PPP2R3C: variants seen among roughly 807,000 people sequenced by gnomAD.
PPP2R3C encodes protein phosphatase 2 regulatory subunit B''gamma, also known as serine/threonine-protein phosphatase 2A regulatory subunit B'' subunit gamma.
In PPP2R3C, 47 loss-of-function variants were observed where a neutral mutation model predicts 63.7. That is an observed-to-expected ratio of 0.74 (90% CI 0.58 to 0.94). The LOEUF is 0.94. Among genes scored for constraint, PPP2R3C ranks in the 40% least tolerant of loss-of-function variants. PPP2R3C has a pLI of 0.00. For synonymous variants in PPP2R3C, 180 were observed against 177.4 expected, an observed-to-expected ratio of 1.01 and a Z score of -0.12; for missense variants, 421 against 518.4, an observed-to-expected ratio of 0.81 and a Z score of 1.82.
At chr14:35,095,000 T>C (rs769383431) in intron 10 of PPP2R3C, 48 bp downstream of exon 10, 3 of 1,546,254 alleles carry the variant, frequency 1.9e-6, no homozygotes, top group Non-Finnish European at 1.8e-6. Flanking sequence ...TTGTGGAAAC[T>C]CTGGGAGCCT....
intron 1 of PPP2R3C, among the ~76,000 whole-genome samples, chr14:35,117,866 G>A (rs544459718): frequency 1.3e-5 from 2 of 152,016 alleles, no homozygotes; most frequent in East Asian, 1.9e-4. Context: ...GGCTAATTTT[G>A]TATTTTTAGT....
Position 35,091,079 on chromosome 14 carries a change from ATAAT to A in PPP2R3C, c.1100_1103del (p.Asn367IlefsTer9). On this transcript the variant is annotated frameshift_variant, in exon 11 of 13. Transcript: ENST00000261475. LOFTEE classifies it high-confidence loss of function. ...TGCAAATGAGACTTACCCTAAAGAA[ATAAT>A]TAAGTGAAAAGACATTCAGGTATCC... The A allele has an allele frequency of 6.2e-7, 1 of 1,602,562 alleles. No homozygotes were observed. Among genetic ancestry groups the A allele is most frequent in the Non-Finnish European group, 8.5e-7 (1 of 1,172,746 alleles).
chr14:35,087,390 C>T (rs1566681728), intron 12 of PPP2R3C: 1 of 155,668 alleles, frequency 6.4e-6, no homozygotes, highest in Non-Finnish European at 1.4e-5. Flanking sequence ...ACTGTACTGA[C>T]TGTCTTAATT....
chr14:35,107,183 C>A, intron 6 of PPP2R3C, 121 bp downstream of exon 6: 3 of 678,764 alleles, frequency 4.4e-6, no homozygotes, highest in Non-Finnish European at 7.3e-6. Flanking sequence ...CAAACACACA[C>A]AGACAGAAAT....
intron 6 of PPP2R3C, chr14:35,100,212 T>C (rs2046141414): frequency 6.6e-6 from 1 of 152,220 alleles, no homozygotes; most frequent in South Asian, 2.1e-4. Context: ...TAGGCCTCTC[T>C]ATTGGGACAT....
At chr14:35,109,465 T>C (rs1331605280) in intron 4 of PPP2R3C, among the ~76,000 whole-genome samples, 1 of 152,144 alleles carries the variant, frequency 6.6e-6, no homozygotes, top group Non-Finnish European at 1.5e-5. Flanking sequence ...ATTTACTTCA[T>C]TTAATATTTG....
chr14:35,112,477 C>A (rs1421278506), intron 2 of PPP2R3C, among the ~76,000 whole-genome samples: 1 of 152,162 alleles, frequency 6.6e-6, no homozygotes, highest in Non-Finnish European at 1.5e-5. Flanking sequence ...GTAAACCTTA[C>A]GTCAAAACTT....
At chr14:35,095,572 G>T (rs2045964484) in intron 9 of PPP2R3C, among the ~76,000 whole-genome samples, 1 of 151,984 alleles carries the variant, frequency 6.6e-6, no homozygotes, top group Non-Finnish European at 1.5e-5. Context: ...GGGCGTGGTG[G>T]CTCACGCCGG....
chr14:35,110,097 A>G (rs1200185017), intron 3 of PPP2R3C, 166 bp from the exon 4 acceptor site: 3 of 555,718 alleles, frequency 5.4e-6, no homozygotes, highest in Non-Finnish European at 9.4e-6. Flanking sequence ...TAAAAATAAC[A>G]TTTATTGAGT....
chr14:35,119,849 C>CT (rs71121267), intron 1 of PPP2R3C, among the ~76,000 whole-genome samples: 61,655 of 116,574 alleles, frequency 0.53, 18,261 homozygotes, highest in Non-Finnish European at 0.63. Context: ...GACAGTTCAT[C>CT]TTTTTTTTTT....
intron 3 of PPP2R3C, chr14:35,110,313 G>T: frequency 2.0e-6 from 1 of 496,100 alleles, no homozygotes; most frequent in Non-Finnish European, 3.6e-6. Flanking sequence ...AATCACCTAG[G>T]GCCTTAAACA....
chr14:35,107,696 A>G (rs923036850), intron 5 of PPP2R3C: 2 of 367,384 alleles, frequency 5.4e-6, no homozygotes, highest in East Asian at 9.2e-5. Flanking sequence ...ACAGCAACCA[A>G]TTATTAAAGA....
chr14:35,095,104 T>A lies in PPP2R3C; in HGVS notation c.919A>T (p.Thr307Ser), dbSNP rs748813964. ...ELSRYGTATM[T>S]NVFLDRVFQE... is the part of the protein sequence containing the mutation. ...AAAACACGGTCTAAGAAGACATTGGTCATGGTAGCTGTTCCATAGCGTGAG... is the reference window on the plus strand; with the variant it reads ...AAAACACGGTCTAAGAAGACATTGGACATGGTAGCTGTTCCATAGCGTGAG... The change falls in exon 10 of 13, where the codon ACC (threonine) becomes TCC (serine). Residue 307 changes from threonine (T) to serine (S), a missense_variant. Around this residue, in one of 3 missense-constraint regions of PPP2R3C, gnomAD observed 231 missense variants for 264.8 expected, o/e 0.87. Coordinates refer to ENST00000261475, the MANE Select transcript of PPP2R3C (RefSeq NM_017917.4). 6.2e-7 allele frequency: 1 copy of A among 1,609,110 alleles called. No individual in the cohort carries two copies. Among genetic ancestry groups the A allele is most frequent in the Non-Finnish European group, 8.5e-7 (1 of 1,175,402 alleles).
At chr14:35,110,675 G>A (rs1438333343) in intron 2 of PPP2R3C, 46 bp from the exon 3 acceptor site, 1 of 1,311,506 alleles carries the variant, frequency 7.6e-7, no homozygotes. Context: ...TAGACTACTG[G>A]ATCCTATAAA....
chr14:35,122,041 G>A, upstream of PPP2R3C: 3 of 1,522,856 alleles, frequency 2.0e-6, no homozygotes, highest in South Asian at 3.4e-5. Context: ...AGCACCGCCA[G>A]GCCCCGTAAA....
chr14:35,094,480 TTA>T (rs1566687523), intron 10 of PPP2R3C, among the ~76,000 whole-genome samples: 2 of 147,410 alleles, frequency 1.4e-5, no homozygotes. Flanking sequence ...CAGCTTTTTT[TTA>T]AAAAAAAAAA....
At position 35,108,175 on chromosome 14, in the gene PPP2R3C, A is replaced by T. The variant is rs1183699640; in HGVS notation, c.466T>A (p.Ser156Thr). ...ACATAATTAAAGAACTGCATGATGGAAATTCTTCCATATGAATCTGTATGA... is the reference window on the plus strand; with the variant it reads ...ACATAATTAAAGAACTGCATGATGGTAATTCTTCCATATGAATCTGTATGA... ...LLHTDSYGRI[S>T]IMQFFNYVMR... Residue 156 changes from serine to threonine, a missense_variant, in exon 5 of 13, where the codon TCC becomes ACC. By Grantham distance (58) the Ser-to-Thr change is moderately conservative (BLOSUM62 1). Transcript: ENST00000261475. 1.2e-6 allele frequency: 2 copies of T among 1,606,696 alleles called. No individual in the cohort carries two copies. Among genetic ancestry groups the T allele is most frequent in the Non-Finnish European group, 1.7e-6 (2 of 1,178,104 alleles).
At position 35,115,352 on chromosome 14, in the gene PPP2R3C, C is replaced by T. The variant is rs530072531; in HGVS notation, c.186+1258G>A. Among the ~76,000 whole-genome samples the T allele has an allele frequency of 5.4e-4, 81 of 151,374 alleles. 1 individual carries two copies. Among genetic ancestry groups the T allele is most frequent in the Non-Finnish European group, 9.0e-4 (61 of 67,802 alleles). ...TAAGTTTTTTTTGGAGAGACACGAT[C>T]TCACCAAGTTGCCCAGACTGGTTCT... On this transcript the variant is annotated intron_variant, in intron 2 of 12. Coordinates refer to ENST00000261475, the MANE Select transcript of PPP2R3C (RefSeq NM_017917.4).
upstream of PPP2R3C, chr14:35,122,293 C>G (rs907756718): frequency 3.1e-5 from 10 of 321,906 alleles, no homozygotes; most frequent in African/African-American, 2.1e-4. Flanking sequence ...GTGCGCACCA[C>G]GTGACCCAGG....
Sources: allele counts gnomAD v4.1 joint callset (sites outside exome capture counted in the v4.1 genomes callset), GRCh38; gene constraint gnomAD v4.1.1; regional missense constraint gnomAD v4.1.1; transcripts MANE v1.5; gene names NCBI Gene and HGNC (gene_info 2026-07-23, HGNC 2026-07-21).